Variants in RERE observed in about 807,000 individuals in gnomAD.
RERE encodes the protein arginine-glutamic acid dipeptide repeats protein.
RERE carries 40 observed loss-of-function variants against 146.1 expected under a neutral mutation model. That is an observed-to-expected ratio of 0.27 (90% CI 0.21 to 0.36). The LOEUF (loss-of-function observed/expected upper bound fraction) is 0.36, where lower values mean the gene tolerates loss of function less well. Ranked by LOEUF, RERE falls within the 10% of genes least tolerant of loss-of-function variation. The pLI is 1.00. For synonymous variants in RERE, 1,003 were observed against 866.0 expected (o/e 1.16, Z -2.78); for missense variants, 1,933 against 2,138.7 (o/e 0.90, Z 1.90).
At chr1:8,761,399 C>T (rs531544423) in intron 1 of RERE, among the ~76,000 whole-genome samples, 1 of 152,312 alleles carries the variant, frequency 6.6e-6, no homozygotes, top group East Asian at 1.9e-4. Flanking sequence ...AATCACTCAT[C>T]TCAATAAAAA....
intron 12 of RERE, among the ~76,000 whole-genome samples, chr1:8,379,780 G>A (rs1299064021): frequency 6.6e-6 from 1 of 152,162 alleles, no homozygotes; most frequent in Non-Finnish European, 1.5e-5. Flanking sequence ...AGATGATGGG[G>A]CTAACTCCCC....
At chr1:8,529,287 CT>C (rs34547801) in intron 7 of RERE, among the ~76,000 whole-genome samples, 23 of 102,438 alleles carry the variant, frequency 2.2e-4, no homozygotes, top group East Asian at 1.1e-3. Flanking sequence ...GTTCTCCCTT[CT>C]TTTTTTTTTT....
chr1:8,789,242 C>T (rs1374354037), intron 1 of RERE, among the ~76,000 whole-genome samples: 1 of 125,452 alleles, frequency 8.0e-6, no homozygotes, highest in African/African-American at 3.1e-5. Context: ...CCCAGGAGTT[C>T]GAAACCAGCC....
At chr1:8,401,069 A>G (rs1932529) in intron 12 of RERE, among the ~76,000 whole-genome samples, 24,572 of 84,720 alleles carry the variant, frequency 0.29, 5,757 homozygotes, top group East Asian at 0.83. Flanking sequence ...ATATATATAT[A>G]TATGTCACTT....
intron 7 of RERE, among the ~76,000 whole-genome samples, chr1:8,534,312 A>C (rs1219123939): frequency 6.6e-6 from 1 of 152,224 alleles, no homozygotes; most frequent in African/African-American, 2.4e-5. Context: ...ATAATGAAAT[A>C]AGGTTTCTTA....
chr1:8,509,355 T>A (rs951584145), intron 7 of RERE, among the ~76,000 whole-genome samples: 1 of 152,054 alleles, frequency 6.6e-6, no homozygotes, highest in Admixed American at 6.6e-5. Context: ...ACCATAAGCC[T>A]TATAAAATAC....
chr1:8,415,653 A>G (rs1229042898), intron 12 of RERE, among the ~76,000 whole-genome samples: 1 of 152,146 alleles, frequency 6.6e-6, no homozygotes, highest in Non-Finnish European at 1.5e-5. Flanking sequence ...ACCAGCACCA[A>G]AAGTCTCTTA....
chr1:8,750,458 G>A, intron 1 of RERE: 1 of 965,880 alleles, frequency 1.0e-6, no homozygotes, highest in Non-Finnish European at 1.7e-6. Flanking sequence ...GAAGAAGGTG[G>A]TTCCTGCTGT....
intron 12 of RERE, among the ~76,000 whole-genome samples, chr1:8,401,069 A>ATATATATATAGATATATATATG (rs761609705): frequency 1.2e-5 from 1 of 85,116 alleles, no homozygotes; most frequent in Non-Finnish European, 2.5e-5. Context: ...ATATATATAT[A>ATATATATATAGATATATATATG]TATGTCACTT....
Position 8,356,634 on chromosome 1 carries a change from C to T in RERE, c.4340-388G>A, listed in dbSNP as rs1641305357. ...CTTGCGCCAGTGGGTGTTGGGCTGG[C>T]ACCCCCTGCCCAGGGCTGTCTCCCT... On this transcript the variant is annotated intron_variant, in intron 20 of 22. Coordinates refer to ENST00000400908, the MANE Select transcript of RERE (RefSeq NM_001042681.2). The surrounding 1 kb of genome is among the most constrained non-coding windows in gnomAD (Gnocchi z 5.2). Among the ~76,000 whole-genome samples, 1 of 152,166 alleles carries T rather than the reference C, an allele frequency of 6.6e-6. No homozygotes were observed. The highest frequency in any genetic ancestry group is 1.5e-5 in the Non-Finnish European group (1 of 68,016).
At chr1:8,579,582 A>G (rs1646338642) in intron 4 of RERE, among the ~76,000 whole-genome samples, 1 of 152,262 alleles carries the variant, frequency 6.6e-6, no homozygotes, top group Admixed American at 6.5e-5. Flanking sequence ...TAGGGAATTT[A>G]TAGAGACTAC....
intron 11 of RERE, among the ~76,000 whole-genome samples, chr1:8,436,334 A>T (rs1211255970): frequency 1.3e-5 from 2 of 152,274 alleles, no homozygotes; most frequent in Admixed American, 6.5e-5. Flanking sequence ...AATAAATAAA[A>T]AATAAATAAA....
At chr1:8,500,730 T>G (rs1645123122) in intron 8 of RERE, among the ~76,000 whole-genome samples, 1 of 147,152 alleles carries the variant, frequency 6.8e-6, no homozygotes, top group South Asian at 2.1e-4. Flanking sequence ...GTGAGGAGCG[T>G]CTCTGCCCGG....
intron 1 of RERE, among the ~76,000 whole-genome samples, chr1:8,798,310 T>C (rs1031803734): frequency 2.0e-5 from 3 of 152,016 alleles, no homozygotes; most frequent in African/African-American, 7.3e-5. Flanking sequence ...GGCAAGAGAA[T>C]TGCTTGAACC....
At chr1:8,729,605 A>G (rs1392327176) in intron 1 of RERE, among the ~76,000 whole-genome samples, 3 of 152,110 alleles carry the variant, frequency 2.0e-5, no homozygotes, top group Non-Finnish European at 4.4e-5. Flanking sequence ...GAGACCATAC[A>G]ACCTGAAAAG....
intron 1 of RERE, among the ~76,000 whole-genome samples, chr1:8,716,869 G>A (rs937177774): frequency 1.3e-5 from 2 of 151,952 alleles, no homozygotes; most frequent in Non-Finnish European, 2.9e-5. Context: ...TAAGACGTAG[G>A]CATCGGACTG....
intron 4 of RERE, among the ~76,000 whole-genome samples, chr1:8,607,758 C>T (rs1461707727): frequency 7.6e-6 from 1 of 131,548 alleles, no homozygotes; most frequent in African/African-American, 2.9e-5. Flanking sequence ...TGGAGTCTGG[C>T]TCTGTTGCCC....
At chr1:8,461,318 A>T (rs767324373) in intron 11 of RERE, among the ~76,000 whole-genome samples, 1 of 152,088 alleles carries the variant, frequency 6.6e-6, no homozygotes, top group Non-Finnish European at 1.5e-5. Context: ...AGCATAATAT[A>T]TGTGAAATTG....
intron 1 of RERE, among the ~76,000 whole-genome samples, chr1:8,748,496 T>G (rs138701900): frequency 2.0e-5 from 3 of 152,310 alleles, no homozygotes; most frequent in Non-Finnish European, 2.9e-5. Context: ...TATTATCAGA[T>G]ACTCTCTTCA....
Sources: allele counts gnomAD v4.1 joint callset (sites outside exome capture counted in the v4.1 genomes callset), GRCh38; gene constraint gnomAD v4.1.1; non-coding constraint Gnocchi (gnomAD v3.1); transcripts MANE v1.5; gene names NCBI Gene and HGNC (gene_info 2026-07-23, HGNC 2026-07-21).